BEND3: variants seen among roughly 807,000 people sequenced by gnomAD.
BEND3 encodes BEN domain-containing protein 3.
BEND3 carries 13 observed loss-of-function variants against 60.1 expected under a neutral mutation model. The observed-to-expected ratio is 0.22, with a 90% CI of 0.14 to 0.34. The LOEUF (loss-of-function observed/expected upper bound fraction) is 0.34, where lower values mean the gene tolerates loss of function less well. Ranked by LOEUF, BEND3 falls within the 10% of genes least tolerant of loss-of-function variation. BEND3 has a pLI of 1.00. For synonymous variants in BEND3, 497 were observed against 491.5 expected (o/e 1.01, Z -0.15); for missense variants, 896 against 1,138.1 (o/e 0.79, Z 3.06).
chr6:107,086,413 G>A (rs929190193), intron 3 of BEND3, among the ~76,000 whole-genome samples: 13 of 151,714 alleles, frequency 8.6e-5, no homozygotes, highest in Admixed American at 6.6e-4. Context: ...TCAAGAGATC[G>A]AGACCATCCT....
chr6:107,089,024 T>C (rs1554234750), intron 3 of BEND3, among the ~76,000 whole-genome samples: 1 of 152,020 alleles, frequency 6.6e-6, no homozygotes, highest in African/African-American at 2.4e-5. Context: ...TGGGTGCCTG[T>C]AATCCCAGTT....
In BEND3 at chr6:107,080,476, A is replaced by G. The variant is rs541127980; in HGVS notation, c.241-9526T>C. On this transcript the variant is annotated intron_variant, in intron 3 of 3. Transcript: ENST00000369042. The stretch of plus-strand genomic sequence containing the variant: ...AGTCACCATATATATCTTAGAAGAA[A>G]CAGAAGATTCAGCGGCAGAGGATAA... Among the ~76,000 whole-genome samples, 33 of 152,254 alleles carry G rather than the reference A, an allele frequency of 2.2e-4. No individual in the cohort carries two copies. The South Asian group carries it at 6.4e-3, about 30-fold the overall frequency.
rs1157366724 is a variant in BEND3 at position 107,073,257 on chromosome 6, ATATATATG to A, written c.241-2315_241-2308del. 1.2e-3 allele frequency among the ~76,000 whole-genome samples: 27 copies of A among 22,612 alleles called. 1 individual carries two copies. Among genetic ancestry groups the A allele is most frequent in the African/African-American group, 2.6e-3 (21 of 8,096 alleles). 14.8% of individuals were successfully genotyped at this position (22,612 alleles called of 152,430 possible). ...TATATATATATATATATATATATAT[ATATATATG>A]TATGTGAGCAAATGGTCAGTGGCAA... On this transcript the variant is annotated intron_variant, in intron 3 of 3. Coordinates refer to ENST00000369042, the MANE Select transcript of BEND3 (RefSeq NM_001367314.1).
intron 3 of BEND3, among the ~76,000 whole-genome samples, chr6:107,089,113 G>T (rs376667111): frequency 6.8e-6 from 1 of 148,132 alleles, no homozygotes; most frequent in Non-Finnish European, 1.5e-5. Context: ...ACTCCAGCCT[G>T]GGCAAAAGAT....
In BEND3 at chr6:107,069,118, G is replaced by C. The variant is rs529393842; in HGVS notation, c.2073C>G (p.Pro691=). 39 of 1,612,526 alleles carry C rather than the reference G, an allele frequency of 2.4e-5. No individual in the cohort carries two copies. Among genetic ancestry groups the C allele is most frequent in the Middle Eastern group, 1.7e-4 (1 of 5,844 alleles). The change falls in exon 4 of 4, where the codon CCC becomes CCG. Residue 691 remains proline, a synonymous_variant. Coordinates refer to ENST00000369042, the MANE Select transcript of BEND3 (RefSeq NM_001367314.1). ...REEFEGPPLP[P]ERSSKDFCKI... Reference sequence around the variant, plus strand: ...TGCAAAAGTCCTTGCTGCTCCTCTCGGGGGGCAGTGGGGGCCCCTCAAACT... The same window carrying C: ...TGCAAAAGTCCTTGCTGCTCCTCTCCGGGGGCAGTGGGGGCCCCTCAAACT...
At position 107,065,221 on chromosome 6, in the gene BEND3, AGTGT is replaced by A. The variant is rs2114987065; in HGVS notation, c.*3479_*3482del. 6.5e-6 allele frequency: 1 copy of A among 152,768 alleles called. No individual in the cohort carries two copies. The highest frequency in any genetic ancestry group is 2.4e-5 in the African/African-American group (1 of 41,586). The allele number at this position is 152,768 out of a possible 1,614,324, so 9.5% of individuals were successfully genotyped here. A position where few individuals can be genotyped will look rare whatever the true frequency, so the allele number is the denominator to read the frequency against. ...TAACATTTTATATAACTCATAAAAC[AGTGT>A]TTGTATAAAAATTCACACAAAGTTG... On this transcript the variant is annotated 3_prime_UTR_variant, in exon 4 of 4. Coordinates refer to ENST00000369042, the MANE Select transcript of BEND3 (RefSeq NM_001367314.1).
Position 107,069,043 on chromosome 6 carries a change from A to C in BEND3, c.2148T>G (p.Pro716=), listed in dbSNP as rs1554231318. The C allele has an allele frequency of 8.7e-6, 14 of 1,613,448 alleles. No homozygotes were observed. In the East Asian group the frequency reaches 2.9e-4, roughly 33 times the overall value. Residue 716 remains proline, a synonymous_variant, in exon 4 of 4, where the codon CCT becomes CCG. Transcript: ENST00000369042. ...LVVPSPDFPV[P]SPYLLSDKEV... ...CCTTGTCAGACAGCAGGTAGGGAGA[A>C]GGCACCGGGAAGTCAGGCGAGGGGA...
intron 3 of BEND3, among the ~76,000 whole-genome samples, chr6:107,071,450 G>T (rs550190462): frequency 1.3e-5 from 2 of 152,188 alleles, no homozygotes; most frequent in Admixed American, 1.3e-4. Flanking sequence ...GCAGCCTTTG[G>T]GAGAGCAGGC....
intron 3 of BEND3, among the ~76,000 whole-genome samples, chr6:107,081,273 T>C (rs1554233509): frequency 6.7e-6 from 1 of 148,570 alleles, no homozygotes; most frequent in East Asian, 2.0e-4. Context: ...CAGGCTAGAG[T>C]GCAGTGGCGC....
intron 3 of BEND3, among the ~76,000 whole-genome samples, chr6:107,096,274 G>A (rs1775583263): frequency 6.6e-6 from 1 of 152,170 alleles, no homozygotes; most frequent in Admixed American, 6.5e-5. Flanking sequence ...ATGCTAAGAA[G>A]CCAGACACAT....
intron 3 of BEND3, among the ~76,000 whole-genome samples, chr6:107,092,173 C>T (rs1582660028): frequency 6.6e-6 from 1 of 151,988 alleles, no homozygotes; most frequent in Non-Finnish European, 1.5e-5. Flanking sequence ...AGGAGAATTG[C>T]TTGAACCCGG....
chr6:107,094,876 A>T (rs1775552682), intron 3 of BEND3, among the ~76,000 whole-genome samples: 1 of 138,468 alleles, frequency 7.2e-6, no homozygotes, highest in South Asian at 2.3e-4. Context: ...ACTGGAGTGC[A>T]GTGACACAAC....
Position 107,067,496 on chromosome 6 carries a change from G to A in BEND3, c.*1208C>T, listed in dbSNP as rs1349788537. On this transcript the variant is annotated 3_prime_UTR_variant, in exon 4 of 4. Transcript: ENST00000369042. ...CGAAGACATGTGCCCCCCAAGGCAGGGGGTGGCCAGGTATAGGACAGCAGG... is the reference window on the plus strand; with the variant it reads ...CGAAGACATGTGCCCCCCAAGGCAGAGGGTGGCCAGGTATAGGACAGCAGG... The A allele has an allele frequency of 6.6e-6, 1 of 152,272 alleles. No homozygotes were observed. Among genetic ancestry groups the A allele is most frequent in the Admixed American group, 6.5e-5 (1 of 15,278 alleles). The allele number at this position is 152,272 out of a possible 1,614,324, so 9.4% of individuals were successfully genotyped here.
At chr6:107,103,784 A>G (rs1243332541) in intron 1 of BEND3, among the ~76,000 whole-genome samples, 2 of 152,260 alleles carry the variant, frequency 1.3e-5, no homozygotes, top group Admixed American at 1.3e-4. Context: ...CCCCATCTCT[A>G]CTAAAAATAC....
intron 1 of BEND3, 45 bp downstream of exon 1, chr6:107,115,045 A>C: frequency 1.4e-5 from 2 of 146,920 alleles, no homozygotes; most frequent in South Asian, 2.2e-4. Flanking sequence ...GGAGCCGCCA[A>C]CGCTGCCGCC....
Position 107,067,422 on chromosome 6 carries a change from G to A in BEND3, c.*1282C>T, listed in dbSNP as rs1369713572. On this transcript the variant is annotated 3_prime_UTR_variant, in exon 4 of 4. Coordinates refer to ENST00000369042, the MANE Select transcript of BEND3 (RefSeq NM_001367314.1). ...GGATTTCCCAGTTGGTGCTCCTGGA[G>A]AGCATGCAGCTGGCCTGCAGGAGCC... 1 of 152,232 alleles carries A rather than the reference G, an allele frequency of 6.6e-6. No homozygotes were observed. The highest frequency in any genetic ancestry group is 1.9e-4 in the East Asian group (1 of 5,196). The allele number at this position is 152,232 out of a possible 1,614,324, so 9.4% of individuals were successfully genotyped here.
At position 107,099,259 on chromosome 6, in the gene BEND3, A is replaced by G; in HGVS notation, c.27T>C (p.Asp9=). 1.9e-6 allele frequency: 3 copies of G among 1,611,530 alleles called. No individual in the cohort carries two copies. Among genetic ancestry groups the G allele is most frequent in the Non-Finnish European group, 2.5e-6 (3 of 1,178,002 alleles). The stretch of plus-strand genomic sequence containing the variant: ...GCATTTTTTTTTTACCTTCTTCTAC[A>G]TCTTCGGTGAATTCAGTTGAGTTCA... MNSTEFTE[D]VEEVLKSITV... is the part of the protein sequence containing the mutation. The change falls in exon 2 of 4, where the codon GAT becomes GAC. Residue 9 remains aspartate, a synonymous_variant. Transcript: ENST00000369042.
chr6:107,110,531 T>C (rs1180548557), intron 1 of BEND3, among the ~76,000 whole-genome samples: 1 of 152,046 alleles, frequency 6.6e-6, no homozygotes, highest in Non-Finnish European at 1.5e-5. Flanking sequence ...ACCAAAAAAA[T>C]CAGTTTTTAG....
chr6:107,100,405 C>A (rs1775680387), intron 1 of BEND3, among the ~76,000 whole-genome samples: 1 of 152,104 alleles, frequency 6.6e-6, no homozygotes. Flanking sequence ...GTAGCTGGGA[C>A]TACAGGCATA....
Sources: allele counts gnomAD v4.1 joint callset (sites outside exome capture counted in the v4.1 genomes callset), GRCh38; gene constraint gnomAD v4.1.1; transcripts MANE v1.5; gene names NCBI Gene and HGNC (gene_info 2026-07-23, HGNC 2026-07-21).